Variants in NYAP2 observed in about 807,000 individuals in gnomAD.
NYAP2 encodes the protein neuronal tyrosine-phosphorylated phosphoinositide-3-kinase adapter 2.
NYAP2 carries 23 observed loss-of-function variants against 50.4 expected under a neutral mutation model. That is an observed-to-expected ratio of 0.46 (90% confidence interval 0.33 to 0.65). The LOEUF (loss-of-function observed/expected upper bound fraction) is 0.65. Ranked by LOEUF, NYAP2 falls within the 30% of genes least tolerant of loss-of-function variation. The pLI is 0.02. For missense variants in NYAP2, 885 were observed against 861.0 expected (o/e 1.03, Z -0.35); for synonymous variants, 394 against 365.2 (o/e 1.08, Z -0.90).
intron 5 of NYAP2, among the ~76,000 whole-genome samples, chr2:225,599,121 G>A (rs1309613817): frequency 2.0e-5 from 3 of 152,116 alleles, no homozygotes; most frequent in African/African-American, 7.2e-5. Flanking sequence ...AGAGAAGACT[G>A]TGGAAGCTAT....
At chr2:225,405,332 C>T (rs1694921690) in intron 2 of NYAP2, among the ~76,000 whole-genome samples, 2 of 151,908 alleles carry the variant, frequency 1.3e-5, no homozygotes, top group South Asian at 4.1e-4. Context: ...GGACATTTGC[C>T]TCTTAACAAA....
chr2:225,411,654 A>T (rs1456791063), intron 3 of NYAP2, among the ~76,000 whole-genome samples: 6 of 152,110 alleles, frequency 3.9e-5, no homozygotes, highest in Non-Finnish European at 8.8e-5. Flanking sequence ...CTGATTGCTC[A>T]TATGATAGGA....
intron 5 of NYAP2, among the ~76,000 whole-genome samples, chr2:225,620,482 C>T (rs900667757): frequency 1.3e-5 from 2 of 150,522 alleles, no homozygotes; most frequent in African/African-American, 4.9e-5. Flanking sequence ...CGCACACGCA[C>T]GCACGCACAC....
rs188236930 is a variant in NYAP2 at position 225,485,829 on chromosome 2, C to T, written c.222-27542C>T. Among the ~76,000 whole-genome samples, 9 of 152,294 alleles carry T rather than the reference C, an allele frequency of 5.9e-5. No homozygotes were observed. In the East Asian group the frequency reaches 1.3e-3, roughly 23 times the overall value. On this transcript the variant is annotated intron_variant, in intron 3 of 6. Transcript: ENST00000636099. ...CAGAAGCCCTTAGGTCAAGGTTTCT[C>T]GGCGTGACTGACATTCTGGACTGGA...
At chr2:225,699,108 A>C in the NYAP2 span, 1 of 151,896 alleles carries the variant, frequency 6.6e-6, no homozygotes, top group Non-Finnish European at 1.5e-5. Context: ...ATGAATGCAA[A>C]TGTGATGCTT....
chr2:225,593,316 G>A (rs1006422257), intron 5 of NYAP2, among the ~76,000 whole-genome samples: 3 of 152,142 alleles, frequency 2.0e-5, no homozygotes, highest in Non-Finnish European at 4.4e-5. Context: ...GAAAATATTA[G>A]ATGCTAAAAC....
chr2:225,459,367 G>A (rs1559185581), intron 3 of NYAP2, among the ~76,000 whole-genome samples: 1 of 152,074 alleles, frequency 6.6e-6, no homozygotes, highest in Non-Finnish European at 1.5e-5. Context: ...GACTAACATA[G>A]TACTTCCTCT....
At chr2:225,666,789 A>T in the NYAP2 span, among the ~76,000 whole-genome samples, 6 of 152,142 alleles carry the variant, frequency 3.9e-5, no homozygotes, top group Non-Finnish European at 8.8e-5. Flanking sequence ...GGCCTGAAAG[A>T]AAAAGATCTA....
At chr2:225,569,092 T>A (rs925818416) in intron 4 of NYAP2, among the ~76,000 whole-genome samples, 2 of 152,078 alleles carry the variant, frequency 1.3e-5, no homozygotes, top group Non-Finnish European at 2.9e-5. Context: ...GGATAGCAAA[T>A]AATTTTTAGT....
intron 3 of NYAP2, among the ~76,000 whole-genome samples, chr2:225,427,488 G>A (rs769179952): frequency 6.6e-6 from 1 of 152,150 alleles, no homozygotes; most frequent in Non-Finnish European, 1.5e-5. Context: ...CAGCCGTAGA[G>A]AATGTGTAGT....
At chr2:225,420,464 G>A (rs1030020051) in intron 3 of NYAP2, among the ~76,000 whole-genome samples, 1 of 152,116 alleles carries the variant, frequency 6.6e-6, no homozygotes, top group African/African-American at 2.4e-5. Context: ...GAAGAGCAAT[G>A]TATATTCAAC....
At chr2:225,427,236 G>A (rs80333154) in intron 3 of NYAP2, among the ~76,000 whole-genome samples, 4,329 of 152,224 alleles carry the variant, frequency 0.028, 106 homozygotes, top group East Asian at 0.1. Context: ...ACCTCAAATA[G>A]TCACCCTCCA....
chr2:225,666,917 A>G, the NYAP2 span, among the ~76,000 whole-genome samples: 1 of 150,184 alleles, frequency 6.7e-6, no homozygotes, highest in African/African-American at 2.5e-5. Context: ...CAGCAAAGAA[A>G]CATGTTTTGG....
upstream of NYAP2, among the ~76,000 whole-genome samples, chr2:225,398,551 G>T (rs1222732011): frequency 6.6e-6 from 1 of 151,864 alleles, no homozygotes; most frequent in Admixed American, 6.6e-5. Context: ...CAGTGTGGTG[G>T]CTGTTACTAG....
chr2:225,611,753 A>T (rs1692888616), intron 5 of NYAP2, among the ~76,000 whole-genome samples: 1 of 151,944 alleles, frequency 6.6e-6, no homozygotes. Context: ...GTTTTAGTTC[A>T]CTGTTCTATT....
At chr2:225,504,978 A>G (rs1690677777) in intron 3 of NYAP2, among the ~76,000 whole-genome samples, 1 of 151,522 alleles carries the variant, frequency 6.6e-6, no homozygotes, top group African/African-American at 2.4e-5. Flanking sequence ...ACTGCGCTCC[A>G]GCCTGGGTGA....
the NYAP2 span, among the ~76,000 whole-genome samples, chr2:225,677,480 C>T: frequency 1.3e-5 from 2 of 152,170 alleles, no homozygotes; most frequent in Non-Finnish European, 2.9e-5. Flanking sequence ...GCATCCTGTT[C>T]TGCTTCCAGT....
intron 3 of NYAP2, among the ~76,000 whole-genome samples, chr2:225,489,999 T>C: frequency 6.6e-6 from 1 of 152,202 alleles, no homozygotes; most frequent in East Asian, 1.9e-4. Flanking sequence ...TGAGAAACAA[T>C]GCAAACTGTG....
chr2:225,570,854 A>G (rs1692057304), intron 4 of NYAP2, among the ~76,000 whole-genome samples: 1 of 152,220 alleles, frequency 6.6e-6, no homozygotes, highest in Admixed American at 6.5e-5. Flanking sequence ...CCAAAGTCTT[A>G]TCTGAGACAA....
Sources: allele counts gnomAD v4.1 joint callset (sites outside exome capture counted in the v4.1 genomes callset), GRCh38; gene constraint gnomAD v4.1.1; transcripts MANE v1.5; gene names NCBI Gene and HGNC (gene_info 2026-07-23, HGNC 2026-07-21).